The following KIF16B variants were observed in gnomAD, a reference collection of about 807,000 sequenced individuals.
KIF16B encodes kinesin family member 16B.
KIF16B carries 98 observed loss-of-function variants against 156.3 expected under a neutral mutation model. The ratio of observed to expected loss-of-function variants is 0.63; its 90% confidence interval spans 0.53 to 0.74. The LOEUF (loss-of-function observed/expected upper bound fraction) is 0.74. KIF16B is among the 30% of genes least tolerant of loss of function. The pLI, the probability that KIF16B is intolerant of heterozygous loss-of-function variation, is 0.00. For missense variants in KIF16B, 1,421 were observed against 1,606.5 expected (o/e 0.88, Z 1.97); for synonymous variants, 564 against 583.7 (o/e 0.97, Z 0.49).
Position 16,505,828 on chromosome 20 carries a change from A to G in KIF16B, c.894T>C (p.Asn298=), listed in dbSNP as rs774222430. 1.2e-6 allele frequency: 2 copies of G among 1,613,924 alleles called. No individual in the cohort carries two copies. The highest frequency in any genetic ancestry group is 2.7e-5 in the African/African-American group (2 of 74,928). ...AAACTTGCTTCTTCTTTGCAAGAGT[A>G]TTTGCAGCATCCTGAGATAAATCAG... is the stretch of plus-strand genomic sequence containing the variant. ...ALADLSQDAA[N]TLAKKKQVFV... is the part of the protein sequence containing the mutation. The change falls in exon 9 of 26, where the codon AAT becomes AAC. Residue 298 remains asparagine (N), a synonymous_variant. Transcript: ENST00000354981.
chr20:16,438,691 C>T (rs1361940765), intron 12 of KIF16B, among the ~76,000 whole-genome samples: 2 of 152,114 alleles, frequency 1.3e-5, no homozygotes, highest in Non-Finnish European at 2.9e-5. Context: ...TGCCTTTCTC[C>T]TCCTTTGGTC....
intron 1 of KIF16B, among the ~76,000 whole-genome samples, chr20:16,551,133 T>TTC (rs113005952): frequency 2.2e-4 from 5 of 23,118 alleles, no homozygotes; most frequent in Non-Finnish European, 4.5e-4. Context: ...CTTTCTCTTC[T>TTC]TTTTTTTTTT....
At chr20:16,547,236 G>A (rs184283194) in intron 1 of KIF16B, among the ~76,000 whole-genome samples, 81 of 152,280 alleles carry the variant, frequency 5.3e-4, no homozygotes, top group Admixed American at 2.2e-3. Flanking sequence ...GCCCACTCAC[G>A]ATAAATGACA....
chr20:16,436,497 T>A (rs1302039244), intron 12 of KIF16B, among the ~76,000 whole-genome samples: 1 of 152,212 alleles, frequency 6.6e-6, no homozygotes, highest in African/African-American at 2.4e-5. Flanking sequence ...TTCATTCCAG[T>A]TACCACCACT....
chr20:16,273,489 G>A, intron 25 of KIF16B, 78 bp from the exon 26 acceptor site: 1 of 1,204,316 alleles, frequency 8.3e-7, no homozygotes, highest in East Asian at 2.3e-5. Flanking sequence ...TCAGGAGTTT[G>A]AGACCAGTCC....
At chr20:16,365,794 T>A (rs6111075) in intron 22 of KIF16B, among the ~76,000 whole-genome samples, 1 of 152,124 alleles carries the variant, frequency 6.6e-6, no homozygotes, top group Non-Finnish European at 1.5e-5. Flanking sequence ...CTTATCCAAA[T>A]ATTTGACCAG....
chr20:16,371,100 A>G (rs1378581732), intron 21 of KIF16B, among the ~76,000 whole-genome samples: 1 of 150,248 alleles, frequency 6.7e-6, no homozygotes, highest in African/African-American at 2.4e-5. Context: ...TAATCACTTA[A>G]AAGTTGTCAT....
chr20:16,418,902 C>T (rs1048652092), intron 15 of KIF16B, among the ~76,000 whole-genome samples: 9 of 152,080 alleles, frequency 5.9e-5, no homozygotes, highest in Non-Finnish European at 1.0e-4. Context: ...CTGGAGGCTA[C>T]ACTTCCCAGC....
chr20:16,564,203 C>T (rs6075071), intron 1 of KIF16B, among the ~76,000 whole-genome samples: 10,986 of 152,176 alleles, frequency 0.072, 504 homozygotes, highest in South Asian at 0.13. Context: ...GGAGTCCTTG[C>T]GGTAATTTGC....
Position 16,379,034 on chromosome 20 carries a change from CCTTTTT to C in KIF16B, c.2962_2967del (p.Lys988_Lys989del). 1 of 1,611,312 alleles carries C rather than the reference CCTTTTT, an allele frequency of 6.2e-7. No homozygotes were observed. The highest frequency in any genetic ancestry group is 8.5e-7 in the Non-Finnish European group (1 of 1,178,720). The stretch of plus-strand genomic sequence containing the variant: ...TCTCTGGACTCCAAAATCTCCTTTT[CCTTTTT>C]CCTCACTTTTTCCTCCTGACGTGCA... On this transcript the variant is annotated inframe_deletion, in exon 19 of 26. Transcript: ENST00000354981.
At chr20:16,509,089 G>A (rs1454614143) in intron 6 of KIF16B, among the ~76,000 whole-genome samples, 1 of 152,064 alleles carries the variant, frequency 6.6e-6, no homozygotes, top group Non-Finnish European at 1.5e-5. Flanking sequence ...ACAAATGGTA[G>A]CATACAATAA....
chr20:16,492,962 AAAC>A (rs1179915557), intron 12 of KIF16B, among the ~76,000 whole-genome samples: 1 of 152,212 alleles, frequency 6.6e-6, no homozygotes, highest in Non-Finnish European at 1.5e-5. Flanking sequence ...AATGCAACTT[AAAC>A]AACAACAAAG....
intron 1 of KIF16B, among the ~76,000 whole-genome samples, chr20:16,546,871 G>C (rs541114101): frequency 6.6e-6 from 1 of 152,176 alleles, no homozygotes; most frequent in African/African-American, 2.4e-5. Context: ...CTGCCTGCCA[G>C]GTTCAAGCGA....
intron 15 of KIF16B, among the ~76,000 whole-genome samples, chr20:16,417,373 T>C (rs2066116748): frequency 6.6e-6 from 1 of 152,122 alleles, no homozygotes; most frequent in African/African-American, 2.4e-5. Context: ...GAAGCAGCAG[T>C]GGAACGGCAG....
chr20:16,546,198 G>C (rs6080299), intron 1 of KIF16B, among the ~76,000 whole-genome samples: 12,020 of 152,242 alleles, frequency 0.079, 616 homozygotes, highest in South Asian at 0.17. Context: ...CTGAGTCTTA[G>C]TAGCTTTGCG....
chr20:16,285,187 G>A (rs1039928504), intron 25 of KIF16B, among the ~76,000 whole-genome samples: 8 of 152,088 alleles, frequency 5.3e-5, no homozygotes, highest in East Asian at 1.9e-4. Flanking sequence ...GTACTGGATA[G>A]CACAGTTCTA....
intron 3 of KIF16B, 54 bp downstream of exon 3, chr20:16,526,038 G>T: frequency 9.7e-7 from 1 of 1,034,958 alleles, no homozygotes; most frequent in Non-Finnish European, 1.4e-6. Flanking sequence ...GGGTAGGCAT[G>T]TTTTTCTCAA....
chr20:16,441,496 T>G (rs8122535), intron 12 of KIF16B, among the ~76,000 whole-genome samples: 1 of 152,130 alleles, frequency 6.6e-6, no homozygotes, highest in African/African-American at 2.4e-5. Flanking sequence ...TTTACATTCA[T>G]GCACTGCTTG....
chr20:16,534,326 C>T (rs893651543), intron 1 of KIF16B, among the ~76,000 whole-genome samples: 1 of 152,058 alleles, frequency 6.6e-6, no homozygotes, highest in African/African-American at 2.4e-5. Flanking sequence ...GAATTTCAGC[C>T]ATAAAGAGCA....
Sources: gnomAD v4.1 joint callset for allele counts (sites outside exome capture counted in the v4.1 genomes callset) on GRCh38, gnomAD v4.1.1 for gene constraint, MANE v1.5 for transcripts, NCBI Gene and HGNC (gene_info 2026-07-23, HGNC 2026-07-21) for gene names.